PAK1: variants seen among roughly 807,000 people sequenced by gnomAD.
PAK1 encodes the protein p21 (RAC1) activated kinase 1.
A neutral mutation model predicts 67.4 loss-of-function variants in PAK1; 29 were observed. That is an observed-to-expected ratio of 0.43 (90% CI 0.32 to 0.59). The LOEUF is 0.59. Ranked by LOEUF, PAK1 falls within the 20% of genes least tolerant of loss-of-function variation. The pLI is 0.07. For synonymous variants in PAK1, 223 were observed against 237.4 expected (o/e 0.94, Z 0.56); for missense variants, 337 against 670.7 (o/e 0.50, Z 5.50).
chr11:77,449,691 T>TAAA (rs35907304), intron 1 of PAK1, among the ~76,000 whole-genome samples: 23,294 of 113,472 alleles, frequency 0.21, 2,958 homozygotes, highest in Non-Finnish European at 0.29. Context: ...ATCCTATAGG[T>TAAA]AAAAAAAAAA....
chr11:77,455,084 C>T (rs568217060), intron 1 of PAK1, among the ~76,000 whole-genome samples: 4 of 152,244 alleles, frequency 2.6e-5, no homozygotes, highest in Non-Finnish European at 5.9e-5. Context: ...TGATGGAAGC[C>T]GGCTTGTGGA....
the PAK1 span, among the ~76,000 whole-genome samples, chr11:77,482,411 C>A: frequency 6.6e-6 from 1 of 152,068 alleles, no homozygotes; most frequent in South Asian, 2.1e-4. Context: ...TAATGATTAT[C>A]CTTAAAAAAG....
At chr11:77,464,117 A>G (rs1246879190) in intron 1 of PAK1, among the ~76,000 whole-genome samples, 1 of 152,212 alleles carries the variant, frequency 6.6e-6, no homozygotes, top group Non-Finnish European at 1.5e-5. Context: ...TTACACTTAC[A>G]GTGCATCTCT....
the PAK1 span, among the ~76,000 whole-genome samples, chr11:77,504,305 A>G: frequency 6.6e-6 from 1 of 152,154 alleles, no homozygotes; most frequent in Non-Finnish European, 1.5e-5. Flanking sequence ...AAAATAGTGA[A>G]AGGAGTAGCA....
At chr11:77,398,321 G>C (rs1013937834) in intron 1 of PAK1, among the ~76,000 whole-genome samples, 2 of 152,000 alleles carry the variant, frequency 1.3e-5, no homozygotes, top group Admixed American at 1.3e-4. Context: ...TAGTTGAATT[G>C]TTTTGATTTT....
At chr11:77,496,102 T>C in the PAK1 span, among the ~76,000 whole-genome samples, 1 of 148,912 alleles carries the variant, frequency 6.7e-6, no homozygotes, top group East Asian at 2.0e-4. Flanking sequence ...CACTGCAACC[T>C]CCGCTTCCCA....
chr11:77,334,489 T>G (rs1210654809), intron 13 of PAK1, among the ~76,000 whole-genome samples: 2 of 152,180 alleles, frequency 1.3e-5, no homozygotes, highest in Non-Finnish European at 2.9e-5. Flanking sequence ...GAGGTGGGAA[T>G]AAATGAGAAA....
At chr11:77,430,945 C>T (rs1264151508) in intron 1 of PAK1, among the ~76,000 whole-genome samples, 1 of 152,184 alleles carries the variant, frequency 6.6e-6, no homozygotes, top group Non-Finnish European at 1.5e-5. Flanking sequence ...AGATCAGTGG[C>T]AGCATTAGAT....
rs113522551 is a variant in PAK1 at position 77,443,152 on chromosome 11, G to A, written c.-22+30400C>T. ...ATCATGGCCAACATGGTAAAACCCC[G>A]TCTCTACTAAAAATACAAAAATTAG... On this transcript the variant is annotated intron_variant, in intron 1 of 14. Transcript: ENST00000356341. 8.7e-3 allele frequency among the ~76,000 whole-genome samples: 1,322 copies of A among 151,764 alleles called. 17 individuals are homozygous for A. Among genetic ancestry groups the A allele is most frequent in the Middle Eastern group, 0.034 (10 of 294 alleles).
At chr11:77,525,444 G>A in the PAK1 span, among the ~76,000 whole-genome samples, 1 of 152,176 alleles carries the variant, frequency 6.6e-6, no homozygotes, top group Non-Finnish European at 1.5e-5. Flanking sequence ...CATGGAGCAG[G>A]CCATTTTCTA....
At chr11:77,353,656 G>T in intron 7 of PAK1, 57 bp from the exon 8 acceptor site, 4 of 1,385,708 alleles carry the variant, frequency 2.9e-6, no homozygotes, top group Admixed American at 3.4e-5. Context: ...TACAAAAAAG[G>T]TTCCACATTT....
At chr11:77,325,173 A>T (rs1279660989) in intron 14 of PAK1, among the ~76,000 whole-genome samples, 1 of 152,218 alleles carries the variant, frequency 6.6e-6, no homozygotes, top group Non-Finnish European at 1.5e-5. Flanking sequence ...TCGAATTGGG[A>T]GGCCTCAGTT....
intron 1 of PAK1, among the ~76,000 whole-genome samples, chr11:77,449,613 T>C (rs1310949970): frequency 6.6e-6 from 1 of 151,212 alleles, no homozygotes; most frequent in Non-Finnish European, 1.5e-5. Flanking sequence ...CGAAGATCTT[T>C]AAAGCATTAC....
chr11:77,491,942 AAC>A, the PAK1 span, among the ~76,000 whole-genome samples: 1 of 152,220 alleles, frequency 6.6e-6, no homozygotes, highest in African/African-American at 2.4e-5. Flanking sequence ...GTCTACAAGA[AAC>A]ACACTTCATC....
chr11:77,395,068 C>G (rs1472527242), intron 1 of PAK1, among the ~76,000 whole-genome samples: 3 of 152,184 alleles, frequency 2.0e-5, no homozygotes, highest in African/African-American at 7.2e-5. Context: ...TTTGTGCATG[C>G]TGATCCTTCT....
In PAK1 at chr11:77,374,377, G is replaced by C; in HGVS notation, c.440-12C>G. On this transcript the variant is annotated splice_polypyrimidine_tract_variant and intron_variant, in intron 4 of 14. Transcript: ENST00000356341. ...CTCAGCTGACTTATCTGCACAGGAA[G>C]AAAAACAAGGGACTTAGTCAATAAC... 6.3e-7 allele frequency: 1 copy of C among 1,577,014 alleles called. No homozygotes were observed. The highest frequency in any genetic ancestry group is 8.7e-7 in the Non-Finnish European group (1 of 1,147,366).
chr11:77,458,383 T>A (rs916969418), intron 1 of PAK1, among the ~76,000 whole-genome samples: 1 of 152,236 alleles, frequency 6.6e-6, no homozygotes. Context: ...GGGTCTCTTT[T>A]AATCCTTTGT....
At chr11:77,497,172 A>G in the PAK1 span, among the ~76,000 whole-genome samples, 7 of 152,188 alleles carry the variant, frequency 4.6e-5, no homozygotes, top group African/African-American at 1.7e-4. Flanking sequence ...AAGTCCAGGA[A>G]GGGGAAGGTG....
the PAK1 span, among the ~76,000 whole-genome samples, chr11:77,511,277 A>G: frequency 6.6e-6 from 1 of 152,134 alleles, no homozygotes; most frequent in South Asian, 2.1e-4. Flanking sequence ...GGTGGCAAAA[A>G]CATCGAGAAC....
Sources: gnomAD v4.1 joint callset for allele counts (sites outside exome capture counted in the v4.1 genomes callset) on GRCh38, gnomAD v4.1.1 for gene constraint, MANE v1.5 for transcripts, NCBI Gene and HGNC (gene_info 2026-07-23, HGNC 2026-07-21) for gene names.